MTUS2: variants seen among roughly 807,000 people sequenced by gnomAD.
The protein encoded by MTUS2 is microtubule associated scaffold protein 2.
A neutral mutation model predicts 114.1 loss-of-function variants in MTUS2; 40 were observed. The observed-to-expected ratio is 0.35, with a 90% confidence interval of 0.27 to 0.46. The LOEUF is 0.46. Ranked by LOEUF, MTUS2 falls within the 20% of genes least tolerant of loss-of-function variation. MTUS2 has a pLI of 1.00. For synonymous variants in MTUS2, 688 were observed against 672.0 expected, an observed-to-expected ratio of 1.02 and a Z score of -0.37; for missense variants, 1,679 against 1,705.4, an observed-to-expected ratio of 0.98 and a Z score of 0.27.
rs1307293226 is a variant in MTUS2, at chr13:29,503,193, C to G, written c.4097C>G (p.Thr1366Arg). The change falls in exon 16 of 16, where the codon ACA (threonine) becomes AGA (arginine). Residue 1366 changes from threonine (T) to arginine (R), a missense_variant. By Grantham distance (71) the Thr-to-Arg change is moderately conservative. This residue lies in a region of MTUS2 where 822 missense variants were observed against 899.7 expected (regional missense o/e 0.91). Transcript: ENST00000612955. ...SGPSSPARVS[T>R]TPR ...CCCTCCTCTCCGGCCAGAGTCAGCA[C>G]AACACCCAGATGACGCCACTACACG... 6.2e-7 allele frequency: 1 copy of G among 1,613,960 alleles called. No individual in the cohort carries two copies. The highest frequency in any genetic ancestry group is 1.1e-5 in the South Asian group (1 of 91,074).
chr13:29,316,568 C>G (rs1899999569), intron 6 of MTUS2, among the ~76,000 whole-genome samples: 1 of 152,168 alleles, frequency 6.6e-6, no homozygotes, highest in Non-Finnish European at 1.5e-5. Flanking sequence ...GAATCAGACT[C>G]TACTTGGATC....
At chr13:29,250,720 A>T (rs1043328454) in intron 5 of MTUS2, among the ~76,000 whole-genome samples, 3 of 152,134 alleles carry the variant, frequency 2.0e-5, no homozygotes, top group Admixed American at 2.0e-4. Flanking sequence ...AATAGCGATT[A>T]GTGTTGTCAC....
At chr13:29,381,035 A>G (rs992676439) in intron 8 of MTUS2, among the ~76,000 whole-genome samples, 1 of 148,220 alleles carries the variant, frequency 6.7e-6, no homozygotes, top group Non-Finnish European at 1.5e-5. Flanking sequence ...ATCTACATTG[A>G]TTTTAGGAGG....
At position 28,865,799 on chromosome 13, in the gene MTUS2, C is replaced by T. The variant is rs539349407; in HGVS notation, c.-243+25949C>T. ...ATCGGGTTTTCCCTATGATGACATTCTGGGTTGACTGGCCACACTAGAGTC... is the reference window on the plus strand; with the variant it reads ...ATCGGGTTTTCCCTATGATGACATTTTGGGTTGACTGGCCACACTAGAGTC... On this transcript the variant is annotated intron_variant, in intron 2 of 15. Transcript: ENST00000612955. Among the ~76,000 whole-genome samples the T allele has an allele frequency of 2.0e-5, 3 of 152,216 alleles. No individual in the cohort carries two copies. In the South Asian group the frequency reaches 6.2e-4, roughly 32 times the overall value.
At chr13:28,951,084 TA>T (rs1882786130) in intron 2 of MTUS2, among the ~76,000 whole-genome samples, 2 of 152,192 alleles carry the variant, frequency 1.3e-5, no homozygotes, top group Non-Finnish European at 2.9e-5. Flanking sequence ...TTAGAACTAA[TA>T]AATTCAGCAA....
intron 5 of MTUS2, among the ~76,000 whole-genome samples, chr13:29,142,475 G>A (rs924023938): frequency 1.2e-4 from 19 of 152,104 alleles, no homozygotes; most frequent in Non-Finnish European, 2.4e-4. Context: ...AGGCTGAGGC[G>A]GGTGGATCAC....
chr13:28,954,497 C>T (rs907611793), intron 2 of MTUS2, among the ~76,000 whole-genome samples: 4 of 152,108 alleles, frequency 2.6e-5, no homozygotes, highest in Admixed American at 2.6e-4. Flanking sequence ...TGCAGCTGGG[C>T]AGAATTAGGA....
chr13:29,488,211 G>A, intron 11 of MTUS2: 1 of 572,048 alleles, frequency 1.7e-6, no homozygotes, highest in East Asian at 3.0e-5. Context: ...CTCCAATGCA[G>A]TTATCCTCAA....
At chr13:29,126,258 A>G (rs1260301210) in intron 5 of MTUS2, among the ~76,000 whole-genome samples, 1 of 152,018 alleles carries the variant, frequency 6.6e-6, no homozygotes, top group East Asian at 1.9e-4. Context: ...GTAACCTTCA[A>G]TCCCATGTGA....
At chr13:29,402,230 C>T (rs1425571626) in intron 8 of MTUS2, among the ~76,000 whole-genome samples, 1 of 152,092 alleles carries the variant, frequency 6.6e-6, no homozygotes, top group African/African-American at 2.4e-5. Context: ...AGTCCCCAGA[C>T]CCCACCACTC....
intron 5 of MTUS2, among the ~76,000 whole-genome samples, chr13:29,109,576 A>C (rs1265081745): frequency 3.3e-5 from 5 of 152,194 alleles, no homozygotes; most frequent in Admixed American, 1.3e-4. Flanking sequence ...GACTTTGGGC[A>C]AGTTGCTTAA....
At chr13:29,428,778 C>T (rs1566194894) in intron 8 of MTUS2, 10 of 1,610,180 alleles carry the variant, frequency 6.2e-6, no homozygotes, top group East Asian at 2.2e-5. Context: ...GCCGGTACCT[C>T]GGCTTAGGAG....
At chr13:29,277,045 G>C (rs1898092772) in intron 5 of MTUS2, among the ~76,000 whole-genome samples, 1 of 152,090 alleles carries the variant, frequency 6.6e-6, no homozygotes, top group Non-Finnish European at 1.5e-5. Flanking sequence ...ATTAATCTCT[G>C]TTCTCTATGG....
intron 2 of MTUS2, among the ~76,000 whole-genome samples, chr13:28,953,022 T>G (rs1882884850): frequency 1.3e-5 from 2 of 152,254 alleles, no homozygotes; most frequent in Admixed American, 6.5e-5. Context: ...ATTAGCAATT[T>G]GTGAGAATGC....
chr13:28,946,470 T>C (rs1041414369), intron 2 of MTUS2, among the ~76,000 whole-genome samples: 5 of 152,084 alleles, frequency 3.3e-5, no homozygotes, highest in African/African-American at 1.2e-4. Context: ...GGCATAGGTG[T>C]TTGAGGGAGA....
At chr13:29,008,216 T>C (rs1367739991) in intron 2 of MTUS2, among the ~76,000 whole-genome samples, 1 of 152,216 alleles carries the variant, frequency 6.6e-6, no homozygotes, top group Non-Finnish European at 1.5e-5. Flanking sequence ...TCTCCTGCCC[T>C]GAGGGGAAAA....
At chr13:29,436,745 T>C (rs889194980) in intron 8 of MTUS2, among the ~76,000 whole-genome samples, 3 of 152,084 alleles carry the variant, frequency 2.0e-5, no homozygotes, top group African/African-American at 7.2e-5. Context: ...ACAAGGTCTC[T>C]AATCTCACTT....
chr13:28,846,055 A>ATATAT (rs1555267189), intron 2 of MTUS2, among the ~76,000 whole-genome samples: 180 of 143,168 alleles, frequency 1.3e-3, no homozygotes, highest in Admixed American at 2.5e-3. Flanking sequence ...TTAAAAAAAA[A>ATATAT]ATATATATAT....
chr13:29,401,890 G>A (rs990567579), intron 8 of MTUS2, among the ~76,000 whole-genome samples: 1 of 152,126 alleles, frequency 6.6e-6, no homozygotes, highest in African/African-American at 2.4e-5. Context: ...AAAGCTCATT[G>A]GGATTTAAAT....
Sources: gnomAD v4.1 joint callset for allele counts (sites outside exome capture counted in the v4.1 genomes callset) on GRCh38, gnomAD v4.1.1 for gene constraint, gnomAD v4.1.1 regional missense constraint, MANE v1.5 for transcripts, NCBI Gene and HGNC (gene_info 2026-07-23, HGNC 2026-07-21) for gene names.